The following PTPRT variants were observed in gnomAD, a reference collection of about 807,000 sequenced individuals.
PTPRT encodes the protein protein tyrosine phosphatase receptor type T.
In PTPRT, 56 loss-of-function variants were observed where a neutral mutation model predicts 176.8. The observed-to-expected ratio is 0.32, with a 90% CI of 0.26 to 0.40. PTPRT has a LOEUF of 0.40. Ranked by LOEUF, PTPRT falls within the 10% of genes least tolerant of loss-of-function variation. PTPRT has a pLI of 1.00. For synonymous variants in PTPRT, 783 were observed against 739.0 expected, an observed-to-expected ratio of 1.06 and a Z score of -0.96; for missense variants, 1,540 against 1,908.2, an observed-to-expected ratio of 0.81 and a Z score of 3.60.
Position 42,363,082 on chromosome 20 carries a change from C to T in PTPRT, c.1561-10797G>A, listed in dbSNP as rs375869702. Among the ~76,000 whole-genome samples the T allele has an allele frequency of 2.0e-4, 22 of 112,572 alleles. No homozygotes were observed. The East Asian group carries it at 4.4e-3, about 22-fold the overall frequency. The allele number at this position is 112,572 out of a possible 152,430, so 73.9% of individuals were successfully genotyped here. A position where few individuals can be genotyped will look rare whatever the true frequency, so the allele number is the denominator to read the frequency against. ...TCACACCACTGCACTCCAGCCTGGG[C>T]GACAGAGCAAGACTCCATTTCAGAA... On this transcript the variant is annotated intron_variant, in intron 9 of 30. Coordinates refer to ENST00000373187, the MANE Select transcript of PTPRT (RefSeq NM_007050.6).
intron 6 of PTPRT, among the ~76,000 whole-genome samples, chr20:42,695,974 A>G (rs2075867906): frequency 1.3e-5 from 2 of 151,994 alleles, no homozygotes; most frequent in African/African-American, 4.8e-5. Flanking sequence ...GGCCTTCAGT[A>G]ACCCTATCAC....
At chr20:42,624,017 A>G (rs1273889298) in intron 7 of PTPRT, among the ~76,000 whole-genome samples, 1 of 147,776 alleles carries the variant, frequency 6.8e-6, no homozygotes, top group African/African-American at 2.6e-5. Flanking sequence ...ACAAACAAAC[A>G]AACAAACAAA....
chr20:42,874,304 AC>A (rs1162925229), intron 2 of PTPRT, among the ~76,000 whole-genome samples: 8 of 152,276 alleles, frequency 5.3e-5, no homozygotes, highest in Non-Finnish European at 7.3e-5. Context: ...TTTACTCCGA[AC>A]AACATGCAGG....
chr20:42,632,869 T>C (rs2145895665), intron 7 of PTPRT, among the ~76,000 whole-genome samples: 1 of 152,142 alleles, frequency 6.6e-6, no homozygotes, highest in South Asian at 2.1e-4. Flanking sequence ...GCAGCTAGGG[T>C]AACAAATCCT....
At position 42,080,784 on chromosome 20, in the gene PTPRT, C is replaced by T; in HGVS notation, c.*95G>A. ...CTCCTTGGAGTCAGGCAGGGTGCCA[C>T]CTCAGAGCTCCTGAGCCCAGTTACT... On this transcript the variant is annotated 3_prime_UTR_variant, in exon 31 of 31. Transcript: ENST00000373187. 2 of 1,305,062 alleles carry T rather than the reference C, an allele frequency of 1.5e-6. No homozygotes were observed. The highest frequency in any genetic ancestry group is 2.2e-6 in the Non-Finnish European group (2 of 910,800). The allele number at this position is 1,305,062 out of a possible 1,614,324, so 80.8% of individuals were successfully genotyped here. A position where few individuals can be genotyped will look rare whatever the true frequency, so the allele number is the denominator to read the frequency against.
Position 42,748,836 on chromosome 20 carries a change from T to C in PTPRT, c.859+7626A>G, listed in dbSNP as rs1187249794. Among the ~76,000 whole-genome samples the C allele has an allele frequency of 2.0e-5, 3 of 151,258 alleles. No homozygotes were observed. In the East Asian group the frequency reaches 5.9e-4, roughly 29 times the overall value. ...AACCCCCTCCTCCACACCCCAGGGG[T>C]TCTACACTGAATCCCAGAATTACCT... On this transcript the variant is annotated intron_variant, in intron 6 of 30. Coordinates refer to ENST00000373187, the MANE Select transcript of PTPRT (RefSeq NM_007050.6).
intron 9 of PTPRT, among the ~76,000 whole-genome samples, chr20:42,413,043 T>C (rs567779566): frequency 7.4e-4 from 113 of 152,312 alleles, no homozygotes; most frequent in Non-Finnish European, 1.3e-3. Context: ...ATAGATAATA[T>C]TTTTTGAAAC....
At chr20:42,440,308 T>A (rs1294767493) in intron 9 of PTPRT, among the ~76,000 whole-genome samples, 1 of 152,138 alleles carries the variant, frequency 6.6e-6, no homozygotes, top group Non-Finnish European at 1.5e-5. Context: ...TGAGAACAGC[T>A]AAATTAGTTA....
chr20:42,404,546 G>T (rs536235240), intron 9 of PTPRT, among the ~76,000 whole-genome samples: 11 of 152,172 alleles, frequency 7.2e-5, no homozygotes, highest in African/African-American at 2.6e-4. Flanking sequence ...GTGGAAAGAG[G>T]CCAGATTCAT....
intron 1 of PTPRT, among the ~76,000 whole-genome samples, chr20:43,109,517 T>C (rs1402483145): frequency 6.6e-6 from 1 of 152,148 alleles, no homozygotes; most frequent in African/African-American, 2.4e-5. Context: ...GTATACATTT[T>C]TTTCATTTTT....
intron 6 of PTPRT, among the ~76,000 whole-genome samples, chr20:42,735,888 C>T (rs925742813): frequency 1.3e-5 from 2 of 152,148 alleles, no homozygotes; most frequent in African/African-American, 4.8e-5. Flanking sequence ...AGTTGTCTGT[C>T]CTTAACCTTA....
At chr20:42,770,054 G>A (rs1016180254) in intron 5 of PTPRT, among the ~76,000 whole-genome samples, 14 of 152,172 alleles carry the variant, frequency 9.2e-5, no homozygotes, top group Non-Finnish European at 2.1e-4. Context: ...AGTTTCACAT[G>A]TAAACATACA....
intron 1 of PTPRT, among the ~76,000 whole-genome samples, chr20:43,061,087 A>AATGGATGAATGG (rs1555825214): frequency 1.3e-5 from 2 of 149,914 alleles, no homozygotes; most frequent in Non-Finnish European, 3.0e-5. Flanking sequence ...CGGATAAATG[A>AATGGATGAATGG]ATGGATGGAT....
intron 7 of PTPRT, among the ~76,000 whole-genome samples, chr20:42,669,680 A>T (rs910856306): frequency 2.0e-5 from 3 of 152,090 alleles, no homozygotes; most frequent in Non-Finnish European, 4.4e-5. Flanking sequence ...TATTTTCTAG[A>T]CCTTCAATTA....
At position 43,170,006 on chromosome 20, in the gene PTPRT, C is replaced by T. The variant is rs1055164909; in HGVS notation, c.88+19640G>A. On this transcript the variant is annotated intron_variant, in intron 1 of 30. Coordinates refer to ENST00000373187, the MANE Select transcript of PTPRT (RefSeq NM_007050.6). Reference sequence around the variant, plus strand: ...TTAGAAGGCAAGTCTTCTATTTACACAATGTCTGGTATATAGTTACCATTT... The same window carrying T: ...TTAGAAGGCAAGTCTTCTATTTACATAATGTCTGGTATATAGTTACCATTT... Among the ~76,000 whole-genome samples the T allele has an allele frequency of 2.0e-5, 3 of 152,188 alleles. No homozygotes were observed. The East Asian group carries it at 5.8e-4, about 30-fold the overall frequency.
At chr20:42,186,380 CCACAT>C (rs1251173259) in intron 16 of PTPRT, among the ~76,000 whole-genome samples, 4 of 67,382 alleles carry the variant, frequency 5.9e-5, no homozygotes, top group Non-Finnish European at 1.1e-4. Flanking sequence ...GCTCCTTCTA[CCACAT>C]TCCTTCTACC....
chr20:42,875,650 C>G (rs946173334), intron 2 of PTPRT, among the ~76,000 whole-genome samples: 1 of 152,086 alleles, frequency 6.6e-6, no homozygotes, highest in Non-Finnish European at 1.5e-5. Context: ...TATCATGTAG[C>G]CTTGGAAGGT....
At chr20:42,341,852 C>T (rs1271933307) in intron 11 of PTPRT, among the ~76,000 whole-genome samples, 1 of 152,208 alleles carries the variant, frequency 6.6e-6, no homozygotes, top group African/African-American at 2.4e-5. Flanking sequence ...TTTCGATCTT[C>T]ATGTTCCATC....
chr20:42,578,042 T>C (rs1294225533), intron 7 of PTPRT, among the ~76,000 whole-genome samples: 1 of 151,910 alleles, frequency 6.6e-6, no homozygotes, highest in Non-Finnish European at 1.5e-5. Context: ...AGAGCCCATC[T>C]GACCCTGAGA....
Sources: gnomAD v4.1 joint callset for allele counts (sites outside exome capture counted in the v4.1 genomes callset) on GRCh38, gnomAD v4.1.1 for gene constraint, MANE v1.5 for transcripts, NCBI Gene and HGNC (gene_info 2026-07-23, HGNC 2026-07-21) for gene names.